Variants in SLC2A1 observed in about 807,000 individuals in gnomAD.
The protein encoded by SLC2A1 is solute carrier family 2 member 1.
In SLC2A1, 4 loss-of-function variants were observed where a neutral mutation model predicts 46.6. The ratio of observed to expected loss-of-function variants is 0.09; its 90% CI spans 0.04 to 0.20. The LOEUF (loss-of-function observed/expected upper bound fraction) is 0.20. Among genes scored for constraint, SLC2A1 ranks in the 10% least tolerant of loss-of-function variants. SLC2A1 has a pLI of 1.00. For missense variants in SLC2A1, 352 were observed against 667.0 expected, an observed-to-expected ratio of 0.53 and a Z score of 5.20; for synonymous variants, 253 against 270.0, an observed-to-expected ratio of 0.94 and a Z score of 0.62.
chr1:42,927,871 CAG>C lies in SLC2A1; in HGVS notation c.1075-65_1075-64del. The C allele has an allele frequency of 6.3e-6, 8 of 1,259,912 alleles. No homozygotes were observed. Among genetic ancestry groups the C allele is most frequent in the Middle Eastern group, 2.0e-4 (1 of 5,108 alleles). The allele number at this position is 1,259,912 out of a possible 1,614,324, so 78.0% of individuals were successfully genotyped here. A position where few individuals can be genotyped will look rare whatever the true frequency, so the allele number is the denominator to read the frequency against. ...GGTTGTGATGGATCCTCAGGGGAAA[CAG>C]AAGCTACAGAGGCCAGAGCAGAGCT... On this transcript the variant is annotated intron_variant, in intron 8 of 9. Transcript: ENST00000426263. This position sits in a 1 kb window ranked among gnomAD's most constrained non-coding sequence, Gnocchi z 5.3.
chr1:42,942,809 C>CTCA (rs1448219442), intron 2 of SLC2A1, among the ~76,000 whole-genome samples: 136 of 152,108 alleles, frequency 8.9e-4, no homozygotes, highest in Non-Finnish European at 1.5e-3. Flanking sequence ...GGGAGTGGTG[C>CTCA]CTGCTGCCTC....
At position 42,934,442 on chromosome 1, in the gene SLC2A1, G is replaced by A. The variant is rs841856; in HGVS notation, c.115-3236C>T. Among the ~76,000 whole-genome samples the A allele has an allele frequency of 4.8e-4, 73 of 152,120 alleles. No individual in the cohort carries two copies. In the South Asian group the frequency reaches 0.013, roughly 27 times the overall value. On this transcript the variant is annotated intron_variant, in intron 2 of 9. Coordinates refer to ENST00000426263, the MANE Select transcript of SLC2A1 (RefSeq NM_006516.4). ...CCTGAGATTTCTGGGAAGAAGCCAC[G>A]CCTGGTTTTCCAATTCCTACTGCTG...
intron 2 of SLC2A1, among the ~76,000 whole-genome samples, chr1:42,942,621 A>G (rs1421676594): frequency 6.6e-6 from 1 of 151,880 alleles, no homozygotes; most frequent in African/African-American, 2.4e-5. Flanking sequence ...CAGGGCCTTC[A>G]GGGAGAGGAC....
At chr1:42,953,341 A>T (rs1015305066) in intron 1 of SLC2A1, among the ~76,000 whole-genome samples, 2 of 152,270 alleles carry the variant, frequency 1.3e-5, no homozygotes, top group Non-Finnish European at 2.9e-5. Flanking sequence ...AGCTACTGCC[A>T]GGCCTGGTGG....
chr1:42,942,758 G>A (rs1643610762), intron 2 of SLC2A1, among the ~76,000 whole-genome samples: 1 of 151,964 alleles, frequency 6.6e-6, no homozygotes, highest in Non-Finnish European at 1.5e-5. Context: ...GTGATATTGG[G>A]CGGGTTTCCT....
chr1:42,945,801 C>G (rs887598872), intron 1 of SLC2A1, among the ~76,000 whole-genome samples: 3 of 151,630 alleles, frequency 2.0e-5, no homozygotes, highest in African/African-American at 7.3e-5. Flanking sequence ...ATTCTAACCC[C>G]GGGGGGGCCT....
At chr1:42,936,369 GC>G (rs1463245056) in intron 2 of SLC2A1, among the ~76,000 whole-genome samples, 1 of 152,148 alleles carries the variant, frequency 6.6e-6, no homozygotes, top group African/African-American at 2.4e-5. Context: ...GTTGGGGCTG[GC>G]CCCACACTGC....
rs1229028572 is a variant in SLC2A1, at chr1:42,928,949, T to C, written c.1057A>G (p.Ile353Val). 2 of 1,613,970 alleles carry C rather than the reference T, an allele frequency of 1.2e-6. No homozygotes were observed. Among genetic ancestry groups the C allele is most frequent in the Non-Finnish European group, 1.7e-6 (2 of 1,179,986 alleles). Residue 353 changes from isoleucine to valine, a missense_variant, in exon 8 of 10, where the codon ATC becomes GTC. Transcript: ENST00000426263. ...GMAGCAILMTIALALLEQLPW... is the reference protein window; with the variant it reads ...GMAGCAILMTVALALLEQLPW... ...CAACTCACCAGCAGTGCTAGCGCGATGGTCATGAGTATGGCACAACCCGCC... is the reference window on the plus strand; with the variant it reads ...CAACTCACCAGCAGTGCTAGCGCGACGGTCATGAGTATGGCACAACCCGCC...
intron 2 of SLC2A1, among the ~76,000 whole-genome samples, chr1:42,936,035 AACCCTTG>A (rs1006495405): frequency 2.6e-4 from 40 of 152,270 alleles, no homozygotes; most frequent in African/African-American, 9.1e-4. Flanking sequence ...CCCTCCTGCC[AACCCTTG>A]ATCTAGGATT....
intron 1 of SLC2A1, chr1:42,952,333 T>G (rs770675044): frequency 4.2e-4 from 194 of 465,996 alleles, no homozygotes; most frequent in Admixed American, 1.4e-4. Flanking sequence ...ATGACATAGC[T>G]GGCTGCCGGG....
At chr1:42,945,340 A>C (rs1643641968) in intron 1 of SLC2A1, among the ~76,000 whole-genome samples, 1 of 152,130 alleles carries the variant, frequency 6.6e-6, no homozygotes, top group African/African-American at 2.4e-5. Flanking sequence ...ATGGCACTCC[A>C]GCCTGGGTGA....
intron 1 of SLC2A1, among the ~76,000 whole-genome samples, chr1:42,956,500 G>A (rs541395421): frequency 7.9e-5 from 12 of 151,356 alleles, no homozygotes; most frequent in African/African-American, 1.2e-4. Flanking sequence ...CAGAAGAAAC[G>A]CTTGAACCCG....
intron 1 of SLC2A1, among the ~76,000 whole-genome samples, chr1:42,957,932 G>A (rs1362501185): frequency 6.6e-6 from 1 of 152,152 alleles, no homozygotes; most frequent in Non-Finnish European, 1.5e-5. Flanking sequence ...CCGCGAGACT[G>A]GGCCAAAGCT....
intron 1 of SLC2A1, among the ~76,000 whole-genome samples, chr1:42,958,290 C>G (rs1266038376): frequency 1.3e-5 from 2 of 151,394 alleles, no homozygotes; most frequent in Admixed American, 1.3e-4. Flanking sequence ...CTGCTGCTGC[C>G]GAGGTCGTGT....
In SLC2A1 at chr1:42,958,615, C is replaced by A; in HGVS notation, c.18+19G>T. ...GCGCCTTTGTTCCTGGCGGGAGGGC[C>A]CGCGGGCGCGCGACTCACCTTGCTG... On this transcript the variant is annotated intron_variant, in intron 1 of 9. Coordinates refer to ENST00000426263, the MANE Select transcript of SLC2A1 (RefSeq NM_006516.4). The A allele has an allele frequency of 6.6e-7, 1 of 1,523,934 alleles. No homozygotes were observed. Among genetic ancestry groups the A allele is most frequent in the Non-Finnish European group, 8.8e-7 (1 of 1,141,236 alleles). 94.4% of individuals were successfully genotyped at this position (1,523,934 alleles called of 1,614,324 possible).
chr1:42,927,170 G>C lies in SLC2A1; in HGVS notation c.1350C>G (p.Phe450Leu). 1 of 1,614,150 alleles carries C rather than the reference G, an allele frequency of 6.2e-7. No individual in the cohort carries two copies. The highest frequency in any genetic ancestry group is 8.5e-7 in the Non-Finnish European group (1 of 1,180,012). Residue 450 changes from phenylalanine (F) to leucine (L), a missense_variant, in exon 10 of 10, where the codon TTC (phenylalanine) becomes TTG (leucine). By Grantham distance (22) the Phe-to-Leu change is conservative. Coordinates refer to ENST00000426263, the MANE Select transcript of SLC2A1 (RefSeq NM_006516.4). The surrounding 1 kb of genome is among the most constrained non-coding windows in gnomAD (Gnocchi z 5.3). ...TCCGGCCTTTAGTCTCAGGAACTTT[G>C]AAGTAGGTGAAGATGAAGAACAGAA... ...LLVLFFIFTY[F>L]KVPETKGRTF...
intron 2 of SLC2A1, among the ~76,000 whole-genome samples, chr1:42,934,045 G>A (rs563640169): frequency 7.9e-5 from 12 of 152,328 alleles, no homozygotes; most frequent in African/African-American, 2.9e-4. Context: ...AATGGAATTT[G>A]TTTGAATTGT....
intron 1 of SLC2A1, among the ~76,000 whole-genome samples, chr1:42,945,749 A>C (rs547809040): frequency 0.017 from 1,777 of 104,040 alleles, 28 homozygotes; most frequent in Middle Eastern, 0.076. Context: ...AAAAAAAAAA[A>C]AAAACAAAAA....
chr1:42,946,966 T>C (rs773792335), intron 1 of SLC2A1, among the ~76,000 whole-genome samples: 13 of 152,176 alleles, frequency 8.5e-5, no homozygotes, highest in Non-Finnish European at 2.9e-5. Flanking sequence ...GGGATGAAAG[T>C]TCCTTCCTTA....
Sources: allele counts gnomAD v4.1 joint callset (sites outside exome capture counted in the v4.1 genomes callset), GRCh38; gene constraint gnomAD v4.1.1; non-coding constraint Gnocchi (gnomAD v3.1); transcripts MANE v1.5; gene names NCBI Gene and HGNC (gene_info 2026-07-23, HGNC 2026-07-21).